Variants in CTNNA2 observed in about 807,000 individuals in gnomAD.
CTNNA2 encodes the protein catenin alpha-2.
Under a neutral mutation model 101.0 loss-of-function variants are expected in CTNNA2, and 42 were observed. The observed-to-expected ratio is 0.42, with a 90% CI of 0.32 to 0.54. The LOEUF (loss-of-function observed/expected upper bound fraction) is 0.54. Ranked by LOEUF, CTNNA2 falls within the 20% of genes least tolerant of loss-of-function variation. The pLI is 0.14. For synonymous variants in CTNNA2, 450 were observed against 456.4 expected (o/e 0.99, Z 0.18); for missense variants, 871 against 1,223.1 (o/e 0.71, Z 4.29).
At chr2:80,473,908 A>G (rs1033847462) in intron 9 of CTNNA2, among the ~76,000 whole-genome samples, 1 of 152,188 alleles carries the variant, frequency 6.6e-6, no homozygotes, top group African/African-American at 2.4e-5. Context: ...TTGAGCTAAC[A>G]TTAAAAATCA....
chr2:79,821,940 A>G (rs899326015), intron 3 of CTNNA2, among the ~76,000 whole-genome samples: 1 of 152,210 alleles, frequency 6.6e-6, no homozygotes, highest in African/African-American at 2.4e-5. Context: ...AAGTATAGCA[A>G]TGGTTAACAA....
At chr2:79,375,958 T>TC (rs764427035) in intron 4 of CTNNA2, among the ~76,000 whole-genome samples, 29 of 152,160 alleles carry the variant, frequency 1.9e-4, no homozygotes, top group Non-Finnish European at 3.7e-4. Flanking sequence ...AGAGATGAGC[T>TC]GAGCCAATCT....
intron 12 of CTNNA2, among the ~76,000 whole-genome samples, chr2:80,561,958 G>A (rs184765344): frequency 6.6e-6 from 1 of 151,110 alleles, no homozygotes; most frequent in Non-Finnish European, 1.5e-5. Flanking sequence ...TTACAGGCAT[G>A]AGCCACCGCG....
rs547923292 is a variant in CTNNA2 at position 80,108,808 on chromosome 2, T to C, written c.1056+199011T>C. Among the ~76,000 whole-genome samples the C allele has an allele frequency of 7.9e-5, 12 of 152,342 alleles. 1 individual carries two copies. In the East Asian group the frequency reaches 2.3e-3, roughly 29 times the overall value. ...CCTACACTTGTCTACTCCGTGTAGC[T>C]GTTTCCTTGAAATCACAAGTGCTTC... On this transcript the variant is annotated intron_variant, in intron 7 of 18. Transcript: ENST00000402739.
At chr2:80,439,842 G>A (rs752992476) in intron 9 of CTNNA2, among the ~76,000 whole-genome samples, 4 of 152,192 alleles carry the variant, frequency 2.6e-5, no homozygotes, top group Admixed American at 6.5e-5. Context: ...TGTGACATTA[G>A]CAGTTGGTAA....
chr2:79,651,800 C>A, intron 2 of CTNNA2, 142 bp downstream of exon 2: 1 of 687,832 alleles, frequency 1.5e-6, no homozygotes, highest in Non-Finnish European at 2.5e-6. Flanking sequence ...ACTGCCTGAA[C>A]TATGGGCAAT....
chr2:80,647,755 C>T lies in CTNNA2; in HGVS notation c.2745C>T (p.Pro915=). 1 of 1,613,534 alleles carries T rather than the reference C, an allele frequency of 6.2e-7. No individual in the cohort carries two copies. The highest frequency in any genetic ancestry group is 1.3e-5 in the African/African-American group (1 of 74,962). Residue 915 remains proline, a synonymous_variant, in exon 19 of 19, where the codon CCC becomes CCT. Transcript: ENST00000402739. The part of the protein sequence containing the change: ...SWKMKAPEKK[P]LVKREKPEEF... Reference sequence around the variant, plus strand: ...AGATGAAGGCTCCAGAGAAGAAGCCCCTTGTGAAGAGAGAAAAGCCTGAAG... The same window carrying T: ...AGATGAAGGCTCCAGAGAAGAAGCCTCTTGTGAAGAGAGAAAAGCCTGAAG...
chr2:79,561,787 C>T (rs940100080), intron 1 of CTNNA2, among the ~76,000 whole-genome samples: 8 of 151,444 alleles, frequency 5.3e-5, no homozygotes, highest in African/African-American at 1.9e-4. Flanking sequence ...AGATCTTTGC[C>T]CATCTTGGGC....
intron 3 of CTNNA2, among the ~76,000 whole-genome samples, chr2:79,332,649 C>T (rs747154123): frequency 5.3e-5 from 8 of 152,158 alleles, no homozygotes; most frequent in Non-Finnish European, 1.0e-4. Flanking sequence ...TCCTACAGGG[C>T]TAAACAATTA....
rs1696305448 is a variant in CTNNA2 at position 80,043,351 on chromosome 2, C to A, written c.1056+133554C>A. 3.3e-5 allele frequency among the ~76,000 whole-genome samples: 5 copies of A among 151,946 alleles called. No individual in the cohort carries two copies. The South Asian group carries it at 1.0e-3, about 32-fold the overall frequency. On this transcript the variant is annotated intron_variant, in intron 7 of 18. Transcript: ENST00000402739. ...TAGCTGGGACTACAGGCACATGCCA[C>A]CGCGCCCAGCTGATTTTTGTATTTT...
At chr2:80,475,358 A>G (rs1375621119) in intron 9 of CTNNA2, among the ~76,000 whole-genome samples, 1 of 152,176 alleles carries the variant, frequency 6.6e-6, no homozygotes, top group Non-Finnish European at 1.5e-5. Context: ...ACATGTGCTA[A>G]TAACTGCTGA....
chr2:79,842,450 G>A (rs1679894784), intron 3 of CTNNA2, among the ~76,000 whole-genome samples: 1 of 152,154 alleles, frequency 6.6e-6, no homozygotes, highest in African/African-American at 2.4e-5. Context: ...GTTAGGGTAA[G>A]CTATTATTAT....
intron 7 of CTNNA2, among the ~76,000 whole-genome samples, chr2:80,212,885 T>A (rs1707995106): frequency 6.6e-6 from 1 of 152,200 alleles, no homozygotes; most frequent in Admixed American, 6.5e-5. Flanking sequence ...GTGCCTCAAT[T>A]TCAGAGCCTG....
chr2:80,043,093 T>TTC lies in CTNNA2; in HGVS notation c.1056+133314_1056+133315dup, dbSNP rs201701924. Among the ~76,000 whole-genome samples, 81 of 32,736 alleles carry TTC rather than the reference T, an allele frequency of 2.5e-3. 1 individual carries two copies. Among genetic ancestry groups the TTC allele is most frequent in the Non-Finnish European group, 4.0e-3 (68 of 16,968 alleles). The allele number at this position is 32,736 out of a possible 152,430, so 21.5% of individuals were successfully genotyped here. A position where few individuals can be genotyped will look rare whatever the true frequency, so the allele number is the denominator to read the frequency against. On this transcript the variant is annotated intron_variant, in intron 7 of 18. Transcript: ENST00000402739. ...TTTCTTTCTTTCTTTCTTTCTTTCT[T>TTC]TCTCTCTCTCTCTCTCTCTTTCTTT...
chr2:80,090,163 TG>T (rs1699704142), intron 7 of CTNNA2, among the ~76,000 whole-genome samples: 1 of 87,912 alleles, frequency 1.1e-5, no homozygotes, highest in African/African-American at 3.9e-5. Flanking sequence ...TGTGTGTGTG[TG>T]TGTGTGTGTG....
At chr2:79,197,191 GAACA>G (rs1490343128) in intron 1 of CTNNA2, among the ~76,000 whole-genome samples, 1 of 152,170 alleles carries the variant, frequency 6.6e-6, no homozygotes. Flanking sequence ...ACCCGAATTA[GAACA>G]AACAGAGACT....
intron 7 of CTNNA2, among the ~76,000 whole-genome samples, chr2:80,088,426 C>T (rs1699580696): frequency 6.6e-6 from 1 of 151,994 alleles, no homozygotes; most frequent in African/African-American, 2.4e-5. Context: ...ACCTTTTAGC[C>T]TAAGGCTGTC....
rs575190565 is a variant in CTNNA2, at chr2:79,911,589, C to A, written c.1056+1792C>A. Among the ~76,000 whole-genome samples the A allele has an allele frequency of 1.6e-3, 246 of 152,260 alleles. 2 individuals carry two copies. The highest frequency in any genetic ancestry group is 4.8e-3 in the African/African-American group (199 of 41,558). On this transcript the variant is annotated intron_variant, in intron 7 of 18. Coordinates refer to ENST00000402739, the MANE Select transcript of CTNNA2 (RefSeq NM_001282597.3). The stretch of plus-strand genomic sequence containing the variant: ...GATGGATTTTTGTATTTTATTGACT[C>A]CAGGCACTTTTTGTTTTCTGTTCGC...
At chr2:79,515,903 T>C (rs935116011) in intron 1 of CTNNA2, among the ~76,000 whole-genome samples, 1 of 152,148 alleles carries the variant, frequency 6.6e-6, no homozygotes, top group African/African-American at 2.4e-5. Context: ...TGTGTCTCCC[T>C]CCCTCAGAGC....
Sources: gnomAD v4.1 joint callset for allele counts (sites outside exome capture counted in the v4.1 genomes callset) on GRCh38, gnomAD v4.1.1 for gene constraint, MANE v1.5 for transcripts, NCBI Gene and HGNC (gene_info 2026-07-23, HGNC 2026-07-21) for gene names.